Variants in MPPED1 observed in about 807,000 individuals in gnomAD.
The protein encoded by MPPED1 is metallophosphoesterase domain-containing protein 1.
A neutral mutation model predicts 36.2 loss-of-function variants in MPPED1; 16 were observed. That is an observed-to-expected ratio of 0.44 (90% CI 0.30 to 0.67). MPPED1 has a LOEUF of 0.67. MPPED1 is among the 30% of genes least tolerant of loss of function. The pLI is 0.10. For synonymous variants in MPPED1, 199 were observed against 191.3 expected, an observed-to-expected ratio of 1.04 and a Z score of -0.33; for missense variants, 307 against 453.4, an observed-to-expected ratio of 0.68 and a Z score of 2.93.
At chr22:43,428,760 C>T (rs760409645) in intron 2 of MPPED1, among the ~76,000 whole-genome samples, 3 of 151,952 alleles carry the variant, frequency 2.0e-5, no homozygotes, top group Non-Finnish European at 2.9e-5. Flanking sequence ...AATGAATCTC[C>T]GGAGCTGGGC....
chr22:43,477,247 C>T (rs1396815391), intron 4 of MPPED1, among the ~76,000 whole-genome samples: 1 of 152,252 alleles, frequency 6.6e-6, no homozygotes, highest in African/African-American at 2.4e-5. Context: ...GCCCTTAACA[C>T]AAGGGCTGAA....
intron 3 of MPPED1, among the ~76,000 whole-genome samples, chr22:43,460,165 C>T (rs996728861): frequency 2.0e-5 from 3 of 151,232 alleles, no homozygotes; most frequent in Non-Finnish European, 4.4e-5. Context: ...CAAGATTGCG[C>T]CATTGCACTC....
At chr22:43,414,433 G>A (rs1018917718) in intron 1 of MPPED1, among the ~76,000 whole-genome samples, 1 of 151,748 alleles carries the variant, frequency 6.6e-6, no homozygotes, top group Non-Finnish European at 1.5e-5. Context: ...CTGGACTTCT[G>A]GAAAAAAAGA....
intron 4 of MPPED1, among the ~76,000 whole-genome samples, chr22:43,478,313 C>T (rs902302643): frequency 1.3e-5 from 2 of 152,136 alleles, no homozygotes; most frequent in African/African-American, 4.8e-5. Flanking sequence ...ATCCTCATGC[C>T]CTCAGGAATA....
chr22:43,423,341 AGAC>A (rs1482098753), intron 1 of MPPED1, among the ~76,000 whole-genome samples: 1 of 152,204 alleles, frequency 6.6e-6, no homozygotes, highest in Non-Finnish European at 1.5e-5. Flanking sequence ...CAGCAGTTAC[AGAC>A]AAGAGGGGTG....
chr22:43,432,290 GGAGA>G (rs1171772616), intron 2 of MPPED1, among the ~76,000 whole-genome samples: 1 of 148,970 alleles, frequency 6.7e-6, no homozygotes, highest in Non-Finnish European at 1.5e-5. Flanking sequence ...GAGAAAGGGA[GGAGA>G]GAGAGGGAAA....
At chr22:43,456,142 A>G (rs1192878725) in intron 3 of MPPED1, among the ~76,000 whole-genome samples, 1 of 152,024 alleles carries the variant, frequency 6.6e-6, no homozygotes, top group Non-Finnish European at 1.5e-5. Context: ...TTTCTTTTTC[A>G]TGCTTCATTG....
intron 4 of MPPED1, among the ~76,000 whole-genome samples, chr22:43,489,540 A>G (rs1395668011): frequency 6.7e-6 from 1 of 148,686 alleles, no homozygotes. Flanking sequence ...TTTTTTTGAG[A>G]TGGAGTCTCG....
At position 43,504,929 on chromosome 22, in the gene MPPED1, G is replaced by A. The variant is rs916883369; in HGVS notation, c.863-569G>A. Among the ~76,000 whole-genome samples, 61 of 149,130 alleles carry A rather than the reference G, an allele frequency of 4.1e-4. 1 individual carries two copies. The highest frequency in any genetic ancestry group is 8.0e-4 in the Non-Finnish European group (54 of 67,358). On this transcript the variant is annotated intron_variant, in intron 6 of 6. Transcript: ENST00000443721. ...GTTCATGGTGATAGTGATGATGATGGCATTTTTGATGATGTTGGTGATGGC... is the reference window on the plus strand; with the variant it reads ...GTTCATGGTGATAGTGATGATGATGACATTTTTGATGATGTTGGTGATGGC...
intron 4 of MPPED1, among the ~76,000 whole-genome samples, chr22:43,493,542 C>T (rs1569087805): frequency 6.6e-6 from 1 of 152,198 alleles, no homozygotes; most frequent in Non-Finnish European, 1.5e-5. Flanking sequence ...GTGAGGCACC[C>T]TGTTGGGGGC....
At chr22:43,431,556 G>A (rs1185457169) in intron 2 of MPPED1, among the ~76,000 whole-genome samples, 1 of 152,194 alleles carries the variant, frequency 6.6e-6, no homozygotes, top group Non-Finnish European at 1.5e-5. Flanking sequence ...CCAGCCTGGT[G>A]TGAGTTCTGG....
chr22:43,423,095 C>T (rs2146817073), intron 1 of MPPED1, among the ~76,000 whole-genome samples: 1 of 152,302 alleles, frequency 6.6e-6, no homozygotes, highest in Non-Finnish European at 1.5e-5. Context: ...TCTCAGCCTC[C>T]CGAAGTGCTG....
At chr22:43,432,198 G>A (rs567950272) in intron 2 of MPPED1, among the ~76,000 whole-genome samples, 6 of 89,474 alleles carry the variant, frequency 6.7e-5, no homozygotes, top group African/African-American at 1.9e-4. Context: ...AAACCTCAGA[G>A]GCACACAGAG....
chr22:43,459,482 A>C (rs148349725), intron 3 of MPPED1, among the ~76,000 whole-genome samples: 85 of 152,268 alleles, frequency 5.6e-4, no homozygotes, highest in African/African-American at 2.0e-3. Flanking sequence ...ATGGTGTCCC[A>C]CAGGTCTCTG....
At position 43,474,886 on chromosome 22, in the gene MPPED1, C is replaced by T. The variant is rs757160081; in HGVS notation, c.557C>T (p.Ser186Leu). The T allele has an allele frequency of 1.8e-5, 29 of 1,613,892 alleles. No individual in the cohort carries two copies. The South Asian group carries it at 2.4e-4, about 13-fold the overall frequency. The change falls in exon 4 of 7, where the codon TCG becomes TTG. Residue 186 changes from serine (S) to leucine (L), a missense_variant. By Grantham distance (145) the Ser-to-Leu change is moderately radical (BLOSUM62 -2). This residue lies in a region of MPPED1 where 132 missense variants were observed against 212.3 expected (regional missense o/e 0.62). Coordinates refer to ENST00000443721, the MANE Select transcript of MPPED1 (RefSeq NM_001044370.2). This position sits in a 1 kb window ranked among gnomAD's most constrained non-coding sequence, Gnocchi z 5.2. ...CCGGAGAACTATGAGAATGTGCAGT[C>T]GCTGCTGACCAACTGCATCTACCTT... ...LKPENYENVQ[S>L]LLTNCIYLQD... is the part of the protein sequence containing the mutation.
intron 4 of MPPED1, among the ~76,000 whole-genome samples, chr22:43,486,758 A>G (rs898519452): frequency 3.3e-5 from 5 of 151,708 alleles, no homozygotes; most frequent in Non-Finnish European, 5.9e-5. Context: ...CCCCCAGGGG[A>G]GGTGAGCCTT....
At chr22:43,414,501 A>G (rs958104405) in intron 1 of MPPED1, among the ~76,000 whole-genome samples, 5 of 152,198 alleles carry the variant, frequency 3.3e-5, no homozygotes, top group Non-Finnish European at 7.3e-5. Context: ...CATTTTCCCA[A>G]TTTCAGGCCT....
chr22:43,499,714 T>A, intron 5 of MPPED1, among the ~76,000 whole-genome samples: 1 of 113,044 alleles, frequency 8.8e-6, no homozygotes, highest in Non-Finnish European at 1.8e-5. Context: ...ATGATGGTGG[T>A]GGTGATGGAG....
chr22:43,423,932 A>C (rs898800238), intron 1 of MPPED1, among the ~76,000 whole-genome samples: 1 of 152,166 alleles, frequency 6.6e-6, no homozygotes, highest in Non-Finnish European at 1.5e-5. Context: ...AAGGAACAAG[A>C]CAACTCAATG....
Sources: gnomAD v4.1 joint callset for allele counts (sites outside exome capture counted in the v4.1 genomes callset) on GRCh38, gnomAD v4.1.1 for gene constraint, gnomAD v4.1.1 regional missense constraint, Gnocchi (gnomAD v3.1) non-coding constraint, MANE v1.5 for transcripts, NCBI Gene and HGNC (gene_info 2026-07-23, HGNC 2026-07-21) for gene names.